The following MTMR12 variants were observed in gnomAD, a reference collection of about 807,000 sequenced individuals.
MTMR12 encodes the protein myotubularin related protein 12, also known as myotubularin-related protein 12.
In MTMR12, 33 loss-of-function variants were observed where a neutral mutation model predicts 96.7. That is an observed-to-expected ratio of 0.34 (90% CI 0.26 to 0.46). The LOEUF (loss-of-function observed/expected upper bound fraction) is 0.46, where lower values mean the gene tolerates loss of function less well. Among genes scored for constraint, MTMR12 ranks in the 20% least tolerant of loss-of-function variants. The pLI, the probability that MTMR12 is intolerant of heterozygous loss-of-function variation, is 1.00. For synonymous variants in MTMR12, 298 were observed against 327.2 expected (o/e 0.91, Z 0.96); for missense variants, 721 against 896.1 (o/e 0.80, Z 2.49).
chr5:32,293,372 G>A (rs993427344), intron 1 of MTMR12, among the ~76,000 whole-genome samples: 3 of 152,096 alleles, frequency 2.0e-5, no homozygotes, highest in Admixed American at 1.3e-4. Context: ...GTGAAAAGGC[G>A]AGACTGGCCT....
intron 6 of MTMR12, among the ~76,000 whole-genome samples, chr5:32,266,630 G>A (rs2112070354): frequency 6.6e-6 from 1 of 151,846 alleles, no homozygotes; most frequent in African/African-American, 2.4e-5. Flanking sequence ...GGAGGTTGCA[G>A]TGAGCCGAGA....
At chr5:32,241,397 TAC>T (rs1244703435) in intron 12 of MTMR12, among the ~76,000 whole-genome samples, 1 of 152,192 alleles carries the variant, frequency 6.6e-6, no homozygotes, top group Admixed American at 6.5e-5. Context: ...GGCCAACAGT[TAC>T]AGAGTTTCAG....
intron 1 of MTMR12, among the ~76,000 whole-genome samples, chr5:32,299,038 A>C (rs1751031744): frequency 6.6e-6 from 1 of 151,818 alleles, no homozygotes; most frequent in Non-Finnish European, 1.5e-5. Flanking sequence ...TGGCCCAAAG[A>C]ACACACACAT....
intron 13 of MTMR12, 111 bp from the exon 14 acceptor site, chr5:32,235,240 A>G (rs566162423): frequency 1.0e-6 from 1 of 961,332 alleles, no homozygotes; most frequent in East Asian, 2.6e-5. Context: ...TGAGGACTTC[A>G]TTCTCTGGGA....
intron 5 of MTMR12, among the ~76,000 whole-genome samples, chr5:32,270,068 C>CATGA: frequency 6.6e-6 from 1 of 152,274 alleles, no homozygotes; most frequent in Middle Eastern, 3.4e-3. Flanking sequence ...AGACAGTATA[C>CATGA]ATGAACAGGC....
chr5:32,245,287 C>CG (rs1256997420), intron 10 of MTMR12, among the ~76,000 whole-genome samples: 1 of 152,182 alleles, frequency 6.6e-6, no homozygotes, highest in African/African-American at 2.4e-5. Flanking sequence ...CCGCCCACCT[C>CG]GGCCTCCCAA....
chr5:32,249,270 ATTAT>A (rs1477208854), intron 8 of MTMR12, among the ~76,000 whole-genome samples: 1 of 151,916 alleles, frequency 6.6e-6, no homozygotes, highest in African/African-American at 2.4e-5. Flanking sequence ...GATGGGTATG[ATTAT>A]TTATCCCCCT....
At chr5:32,275,783 A>G (rs1324228240) in intron 2 of MTMR12, among the ~76,000 whole-genome samples, 1 of 152,252 alleles carries the variant, frequency 6.6e-6, no homozygotes, top group Non-Finnish European at 1.5e-5. Flanking sequence ...GAAGAGAAAA[A>G]CAAGAGGAGA....
intron 3 of MTMR12, among the ~76,000 whole-genome samples, chr5:32,272,715 C>A (rs1026787822): frequency 2.6e-5 from 4 of 152,094 alleles, no homozygotes; most frequent in Non-Finnish European, 5.9e-5. Context: ...CTAGGCAAAC[C>A]CACCATGCCA....
At chr5:32,267,521 C>CT (rs1749647508) in intron 6 of MTMR12, among the ~76,000 whole-genome samples, 1 of 152,038 alleles carries the variant, frequency 6.6e-6, no homozygotes, top group Non-Finnish European at 1.5e-5. Context: ...CAGTTTTGTT[C>CT]TTAAAAGATT....
intron 1 of MTMR12, among the ~76,000 whole-genome samples, chr5:32,293,089 T>C (rs1750797117): frequency 6.6e-6 from 1 of 152,246 alleles, no homozygotes; most frequent in African/African-American, 2.4e-5. Flanking sequence ...GGCGTAATTA[T>C]GACCTTACTA....
chr5:32,275,234 A>G (rs531436756), intron 2 of MTMR12, among the ~76,000 whole-genome samples: 1 of 152,280 alleles, frequency 6.6e-6, no homozygotes, highest in Admixed American at 6.5e-5. Context: ...CTAAGGAAAT[A>G]CCGGAAGATG....
intron 1 of MTMR12, among the ~76,000 whole-genome samples, chr5:32,301,356 A>T (rs1751134016): frequency 6.6e-6 from 1 of 152,192 alleles, no homozygotes; most frequent in South Asian, 2.1e-4. Flanking sequence ...AACTAGCAAG[A>T]TACCCAATAC....
intron 5 of MTMR12, among the ~76,000 whole-genome samples, chr5:32,270,321 T>A (rs951115563): frequency 5.3e-4 from 80 of 152,222 alleles, no homozygotes; most frequent in African/African-American, 1.9e-3. Context: ...GAGATTATGT[T>A]TATTTAGTCT....
intron 1 of MTMR12, among the ~76,000 whole-genome samples, chr5:32,304,471 C>T (rs1751278181): frequency 6.6e-6 from 1 of 152,190 alleles, no homozygotes; most frequent in Non-Finnish European, 1.5e-5. Context: ...TGCAACTTTA[C>T]TATATTGTCT....
At chr5:32,260,404 A>G (rs1233104299) in intron 7 of MTMR12, among the ~76,000 whole-genome samples, 1 of 151,756 alleles carries the variant, frequency 6.6e-6, no homozygotes, top group Non-Finnish European at 1.5e-5. Flanking sequence ...GTCTGGAGTG[A>G]AACAAACCAC....
intron 7 of MTMR12, among the ~76,000 whole-genome samples, chr5:32,260,652 G>C (rs564350316): frequency 6.9e-6 from 1 of 145,094 alleles, no homozygotes; most frequent in South Asian, 2.4e-4. Flanking sequence ...TGACAATGAG[G>C]TTCTTGGTGG....
At chr5:32,304,087 CG>C (rs926792014) in intron 1 of MTMR12, among the ~76,000 whole-genome samples, 22 of 152,042 alleles carry the variant, frequency 1.4e-4, no homozygotes, top group African/African-American at 5.1e-4. Context: ...CTTTGGGAGC[CG>C]AGGCGGGCGG....
chr5:32,268,667 C>T (rs1749703374), intron 6 of MTMR12, 34 bp downstream of exon 6: 1 of 1,574,950 alleles, frequency 6.3e-7, no homozygotes, highest in Non-Finnish European at 8.7e-7. Context: ...AAGGCTTCTG[C>T]TTACCCTCAA....
Sources: gnomAD v4.1 joint callset for allele counts (sites outside exome capture counted in the v4.1 genomes callset) on GRCh38, gnomAD v4.1.1 for gene constraint, MANE v1.5 for transcripts, NCBI Gene and HGNC (gene_info 2026-07-23, HGNC 2026-07-21) for gene names.